The following METTL9 variants were observed in gnomAD, a reference collection of about 807,000 sequenced individuals.
METTL9 encodes the protein protein-L-histidine N-pros-methyltransferase.
In METTL9, 10 loss-of-function variants were observed where a neutral mutation model predicts 36.0. That is an observed-to-expected ratio of 0.28 (90% CI 0.17 to 0.47). METTL9 has a LOEUF of 0.47. Ranked by LOEUF, METTL9 falls within the 20% of genes least tolerant of loss-of-function variation. The pLI is 0.99. For missense variants in METTL9, 246 were observed against 383.5 expected (o/e 0.64, Z 3.00); for synonymous variants, 175 against 149.7 (o/e 1.17, Z -1.23).
At chr16:21,647,274 G>A (rs755785405) in intron 4 of METTL9, 2 of 1,614,152 alleles carry the variant, frequency 1.2e-6, no homozygotes, top group South Asian at 2.2e-5. Flanking sequence ...TTTTCTTTGA[G>A]GGCCTCCCTC....
intron 4 of METTL9, 163 bp downstream of exon 4, chr16:21,625,278 C>T: frequency 1.3e-6 from 1 of 753,100 alleles, no homozygotes; most frequent in South Asian, 1.7e-5. Context: ...GGTTAATGTT[C>T]ACCTTAAGGT....
intron 4 of METTL9, among the ~76,000 whole-genome samples, chr16:21,631,993 TCTCTGACTCC>T (rs1377233685): frequency 6.6e-6 from 1 of 152,206 alleles, no homozygotes; most frequent in East Asian, 1.9e-4. Flanking sequence ...TCTTTCTTTC[TCTCTGACTCC>T]CTCTGTCTCT....
At chr16:21,609,080 A>C (rs182903360) in intron 1 of METTL9, among the ~76,000 whole-genome samples, 1 of 152,330 alleles carries the variant, frequency 6.6e-6, no homozygotes, top group African/African-American at 2.4e-5. Flanking sequence ...ATAGGTGCTC[A>C]GTTGGTGTCT....
chr16:21,650,612 A>T (rs1391771928), intron 4 of METTL9, among the ~76,000 whole-genome samples: 2 of 152,104 alleles, frequency 1.3e-5, no homozygotes, highest in Admixed American at 1.3e-4. Flanking sequence ...GGTATTTGTA[A>T]CTTTGGAATT....
chr16:21,617,089 T>C (rs1442281434), intron 2 of METTL9, among the ~76,000 whole-genome samples: 1 of 152,214 alleles, frequency 6.6e-6, no homozygotes, highest in Non-Finnish European at 1.5e-5. Flanking sequence ...TTTCTTATTT[T>C]ATTAACTTTG....
intron 4 of METTL9, chr16:21,643,656 C>G (rs751424536): frequency 2.7e-6 from 3 of 1,118,464 alleles, no homozygotes; most frequent in Admixed American, 2.0e-5. Context: ...ACAATGGTGG[C>G]AGATATCTCA....
chr16:21,637,544 C>T (rs996255162), intron 4 of METTL9, among the ~76,000 whole-genome samples: 2 of 152,244 alleles, frequency 1.3e-5, no homozygotes, highest in African/African-American at 2.4e-5. Flanking sequence ...GCCAGCTTCA[C>T]CTCTCAATGG....
At chr16:21,601,331 G>T (rs1283876917) in intron 1 of METTL9, among the ~76,000 whole-genome samples, 1 of 152,176 alleles carries the variant, frequency 6.6e-6, no homozygotes, top group African/African-American at 2.4e-5. Flanking sequence ...GAACAATGGG[G>T]TAGACAATGA....
rs1966735603 is a variant in METTL9, at chr16:21,657,441, A to T, written c.*2009A>T. 6.6e-6 allele frequency: 1 copy of T among 152,166 alleles called. No homozygotes were observed. The highest frequency in any genetic ancestry group is 2.4e-5 in the African/African-American group (1 of 41,428). The allele number at this position is 152,166 out of a possible 1,614,324, so 9.4% of individuals were successfully genotyped here. A position where few individuals can be genotyped will look rare whatever the true frequency, so the allele number is the denominator to read the frequency against. On this transcript the variant is annotated 3_prime_UTR_variant, in exon 5 of 5. Coordinates refer to ENST00000358154, the MANE Select transcript of METTL9 (RefSeq NM_016025.5). ...AAATGGAATCATGTTTTTCTCCCCC[A>T]AAGTACAATAAAGCTGCCTTGTCTG...
intron 4 of METTL9, chr16:21,647,571 A>G: frequency 6.7e-7 from 1 of 1,499,104 alleles, no homozygotes; most frequent in Non-Finnish European, 8.9e-7. Flanking sequence ...GAGGTAGGAA[A>G]CCCAGCCATT....
intron 4 of METTL9, among the ~76,000 whole-genome samples, chr16:21,633,675 T>A (rs957889043): frequency 6.6e-6 from 1 of 152,152 alleles, no homozygotes; most frequent in Non-Finnish European, 1.5e-5. Context: ...CATTGATGAG[T>A]CTAAGATCTT....
chr16:21,603,913 C>T (rs1168014789), intron 1 of METTL9, among the ~76,000 whole-genome samples: 3 of 152,154 alleles, frequency 2.0e-5, no homozygotes, highest in Non-Finnish European at 4.4e-5. Flanking sequence ...CTCAGAACTG[C>T]GCTATGCCAC....
At chr16:21,617,619 C>T (rs1005077379) in intron 2 of METTL9, among the ~76,000 whole-genome samples, 5 of 151,692 alleles carry the variant, frequency 3.3e-5, no homozygotes, top group African/African-American at 1.2e-4. Flanking sequence ...ATCCCAGCTA[C>T]TCAGGAGGCT....
chr16:21,656,271 T>G lies in METTL9; in HGVS notation c.*839T>G, dbSNP rs1024185621. 1.4e-5 allele frequency: 2 copies of G among 148,122 alleles called. No individual in the cohort carries two copies. The highest frequency in any genetic ancestry group is 5.0e-5 in the African/African-American group (2 of 40,100). The allele number at this position is 148,122 out of a possible 1,614,324, so 9.2% of individuals were successfully genotyped here. A position where few individuals can be genotyped will look rare whatever the true frequency, so the allele number is the denominator to read the frequency against. ...CTCATGTCCCATACACTGAACTTTG[T>G]TTTTTTCTGGACAATCTCAGGTTCT... On this transcript the variant is annotated 3_prime_UTR_variant, in exon 5 of 5. Coordinates refer to ENST00000358154, the MANE Select transcript of METTL9 (RefSeq NM_016025.5).
At chr16:21,599,395 G>T, upstream of METTL9, 1 of 1,074,632 alleles carries the variant, frequency 9.3e-7, no homozygotes, top group Non-Finnish European at 1.1e-6. This position sits in a 1 kb window ranked among gnomAD's most constrained non-coding sequence, Gnocchi z 4.4. Flanking sequence ...CGCGCTCCGG[G>T]CGGATGCGCG....
At chr16:21,644,843 G>A (rs2141615285) in intron 4 of METTL9, among the ~76,000 whole-genome samples, 1 of 152,308 alleles carries the variant, frequency 6.6e-6, no homozygotes, top group South Asian at 2.1e-4. Flanking sequence ...CTTGGAACTA[G>A]TACACATAGC....
intron 2 of METTL9, among the ~76,000 whole-genome samples, chr16:21,614,928 T>C (rs1341453196): frequency 6.6e-6 from 1 of 152,126 alleles, no homozygotes; most frequent in East Asian, 1.9e-4. Flanking sequence ...AACTTTGTAT[T>C]GGGCTCAGTA....
At chr16:21,603,768 A>G (rs1965202094) in intron 1 of METTL9, among the ~76,000 whole-genome samples, 1 of 152,074 alleles carries the variant, frequency 6.6e-6, no homozygotes, top group Non-Finnish European at 1.5e-5. Context: ...AACCACAACG[A>G]TTTCTCCGGG....
intron 4 of METTL9, among the ~76,000 whole-genome samples, chr16:21,638,154 C>G (rs1368492232): frequency 6.6e-6 from 1 of 152,108 alleles, no homozygotes. Flanking sequence ...CCCATCTCTA[C>G]TAAAAATACA....
Sources: gnomAD v4.1 joint callset for allele counts (sites outside exome capture counted in the v4.1 genomes callset) on GRCh38, gnomAD v4.1.1 for gene constraint, Gnocchi (gnomAD v3.1) non-coding constraint, MANE v1.5 for transcripts, NCBI Gene and HGNC (gene_info 2026-07-23, HGNC 2026-07-21) for gene names.